Variants in ACCS observed in about 807,000 individuals in gnomAD.
ACCS encodes 1-aminocyclopropane-1-carboxylate synthase-like protein 1.
In ACCS, 42 loss-of-function variants were observed where a neutral mutation model predicts 59.8. That is an observed-to-expected ratio of 0.70 (90% CI 0.55 to 0.91). ACCS has a LOEUF of 0.91. Ranked by LOEUF, ACCS falls within the 40% of genes least tolerant of loss-of-function variation. The probability of loss-of-function intolerance (pLI) is 0.00; values close to 1 mark genes in which losing one functional copy is unlikely to be tolerated. For missense variants in ACCS, 602 were observed against 630.4 expected (o/e 0.95, Z 0.48); for synonymous variants, 230 against 240.3 (o/e 0.96, Z 0.40).
intron 4 of ACCS, 128 bp from the exon 5 acceptor site, chr11:44,074,484 C>T (rs1211805835): frequency 2.6e-6 from 2 of 760,760 alleles, no homozygotes; most frequent in African/African-American, 1.7e-5. Context: ...GACAGATACA[C>T]CCACACCCCA....
At chr11:44,070,247 T>G (rs1165136096) in intron 2 of ACCS, among the ~76,000 whole-genome samples, 1 of 152,158 alleles carries the variant, frequency 6.6e-6, no homozygotes, top group African/African-American at 2.4e-5. Flanking sequence ...CTTGGACTGC[T>G]GTATGGAGAT....
At chr11:44,076,370 C>T (rs958866970) in intron 6 of ACCS, among the ~76,000 whole-genome samples, 1 of 152,216 alleles carries the variant, frequency 6.6e-6, no homozygotes, top group East Asian at 1.9e-4. Context: ...TTCATTTAAT[C>T]CTCACAATAC....
intron 10 of ACCS, 57 bp downstream of exon 10, chr11:44,079,677 G>A: frequency 1.3e-6 from 2 of 1,515,302 alleles, no homozygotes; most frequent in Non-Finnish European, 1.8e-6. Flanking sequence ...CGGAGCCCTG[G>A]CCACTTTCTG....
In ACCS at chr11:44,083,500, T is replaced by A; in HGVS notation, c.1331T>A (p.Phe444Tyr). The A allele has an allele frequency of 6.2e-7, 1 of 1,614,238 alleles. No homozygotes were observed. The highest frequency in any genetic ancestry group is 8.5e-7 in the Non-Finnish European group (1 of 1,180,036). ...TTGGACAACAAGGTGCTGCTGTCCT[T>A]TGGCAAGGCCTTCGAGTGTAAAGAG... ...RFLDNKVLLS[F>Y]GKAFECKEPG... The change falls in exon 14 of 15, where the codon TTT (phenylalanine) becomes TAT (tyrosine). Residue 444 changes from phenylalanine to tyrosine, a missense_variant. Physicochemically the swap from Phe to Tyr is conservative, Grantham distance 22. Transcript: ENST00000263776.
rs75687007 is a variant in ACCS, at chr11:44,077,604, A to G, written c.654+228A>G. 2.0e-3 allele frequency: 2,822 copies of G among 1,435,630 alleles called. 29 individuals carry two copies. The African/African-American group carries it at 0.021, about 10-fold the overall frequency. The allele number at this position is 1,435,630 out of a possible 1,614,324, so 88.9% of individuals were successfully genotyped here. ...TAGAAGCCAAGAGCCAGACCCAGAA[A>G]CAGCAAGGTAGGAACAGAGCAGGGT... On this transcript the variant is annotated intron_variant, in intron 7 of 14. Coordinates refer to ENST00000263776, the MANE Select transcript of ACCS (RefSeq NM_032592.4).
intron 1 of ACCS, chr11:44,067,242 C>T (rs866596963): frequency 3.2e-5 from 6 of 184,792 alleles, no homozygotes; most frequent in Admixed American, 1.1e-4. Flanking sequence ...CCAGGACTCC[C>T]AGGCAATACT....
At chr11:44,075,823 C>G in intron 6 of ACCS, 1 of 508,282 alleles carries the variant, frequency 2.0e-6, no homozygotes, top group Non-Finnish European at 3.5e-6. Context: ...ACCTTGGCTG[C>G]TTCATGCTCA....
chr11:44,077,137 G>A, intron 6 of ACCS, 142 bp from the exon 7 acceptor site: 1 of 893,576 alleles, frequency 1.1e-6, no homozygotes, highest in Non-Finnish European at 1.7e-6. Flanking sequence ...TTTCCAAAGT[G>A]TTTTGGGAGT....
chr11:44,073,358 A>G (rs1953153150), intron 3 of ACCS, 89 bp from the exon 4 acceptor site: 13 of 1,054,858 alleles, frequency 1.2e-5, no homozygotes, highest in Non-Finnish European at 1.9e-5. Context: ...TCTGATGAGC[A>G]GAACAAGCGT....
chr11:44,083,559 G>T lies in ACCS; in HGVS notation c.1390G>T (p.Val464Phe), dbSNP rs370857102. 1 of 1,614,118 alleles carries T rather than the reference G, an allele frequency of 6.2e-7. No individual in the cohort carries two copies. The highest frequency in any genetic ancestry group is 1.3e-5 in the African/African-American group (1 of 74,940). Reference protein sequence around the residue: ...GWFRFVFSDQVHRLCLGMQRV... With the variant: ...GWFRFVFSDQFHRLCLGMQRV... ...GTTTCGCTTTGTCTTCTCAGACCAGGTCCACCGGCTTTGCCTGGGTGAGCA... is the reference window on the plus strand; with the variant it reads ...GTTTCGCTTTGTCTTCTCAGACCAGTTCCACCGGCTTTGCCTGGGTGAGCA... Residue 464 changes from valine (V) to phenylalanine (F), a missense_variant, in exon 14 of 15, where the codon GTC (valine) becomes TTC (phenylalanine). Val to Phe is a conservative substitution (Grantham distance 50). Coordinates refer to ENST00000263776, the MANE Select transcript of ACCS (RefSeq NM_032592.4).
At chr11:44,083,106 A>G in intron 12 of ACCS, 63 bp from the exon 13 acceptor site, 1 of 1,591,024 alleles carries the variant, frequency 6.3e-7, no homozygotes, top group Non-Finnish European at 8.6e-7. Flanking sequence ...CAGCATTTAG[A>G]CTAGTGGGAC....
chr11:44,074,113 G>A (rs1177710871), intron 4 of ACCS, among the ~76,000 whole-genome samples: 1 of 152,066 alleles, frequency 6.6e-6, no homozygotes, highest in Non-Finnish European at 1.5e-5. Flanking sequence ...CTTGAGTGTG[G>A]ACTTTGCCTC....
Position 44,077,322 on chromosome 11 carries a change from G to C in ACCS, c.600G>C (p.Gln200His). ...CCCCTTACTATGGCGCTATCACACA[G>C]CACGTGTGTCTCTATGGCAACATCC... ...IPTPYYGAIT[Q>H]HVCLYGNIRL... The change falls in exon 7 of 15, where the codon CAG becomes CAC. Residue 200 changes from glutamine (Q) to histidine (H), a missense_variant. Transcript: ENST00000263776. 1.2e-6 allele frequency: 2 copies of C among 1,614,128 alleles called. No homozygotes were observed. The highest frequency in any genetic ancestry group is 2.2e-5 in the South Asian group (2 of 91,070).
chr11:44,075,966 C>G, intron 6 of ACCS: 1 of 192,744 alleles, frequency 5.2e-6, no homozygotes, highest in Non-Finnish European at 1.1e-5. Context: ...AGGCCCACTT[C>G]TATCTTCCTG....
At chr11:44,074,740 C>CTT (rs1473127428) in intron 5 of ACCS, 59 bp downstream of exon 5, 35 of 127,264 alleles carry the variant, frequency 2.8e-4, no homozygotes, top group African/African-American at 2.1e-3. Context: ...CCATCTCTTT[C>CTT]TTTCTTTCTT....
chr11:44,067,320 G>A, intron 1 of ACCS: 1 of 276,778 alleles, frequency 3.6e-6, no homozygotes. Flanking sequence ...GAAAAAGAAT[G>A]TTGATGACCC....
rs2134893694 is a variant in ACCS, at chr11:44,081,009, G to C, written c.924-11G>C. The stretch of plus-strand genomic sequence containing the variant: ...TGTGTTGCCTCTGTTCCCATGCTGT[G>C]CTCTCTGCAGGCTCCCTGACCCCCA... On this transcript the variant is annotated splice_polypyrimidine_tract_variant and intron_variant, in intron 10 of 14. Transcript: ENST00000263776. 1 of 1,614,172 alleles carries C rather than the reference G, an allele frequency of 6.2e-7. No individual in the cohort carries two copies. Among genetic ancestry groups the C allele is most frequent in the South Asian group, 1.1e-5 (1 of 91,088 alleles).
At chr11:44,075,126 C>T (rs1399959258) in intron 5 of ACCS, among the ~76,000 whole-genome samples, 1 of 152,136 alleles carries the variant, frequency 6.6e-6, no homozygotes, top group Non-Finnish European at 1.5e-5. Flanking sequence ...GCCTGGCCTC[C>T]ATTCCCCATC....
At position 44,083,528 on chromosome 11, in the gene ACCS, T is replaced by C. The variant is rs1220385567; in HGVS notation, c.1359T>C (p.Pro453=). The C allele has an allele frequency of 6.2e-6, 10 of 1,614,136 alleles. No individual in the cohort carries two copies. In the African/African-American group the frequency reaches 8.0e-5, roughly 13 times the overall value. ...SFGKAFECKE[P]GWFRFVFSDQ... ...GCAAGGCCTTCGAGTGTAAAGAGCC[T>C]GGTTGGTTTCGCTTTGTCTTCTCAG... Residue 453 remains proline (P), a synonymous_variant, in exon 14 of 15, where the codon CCT becomes CCC. Coordinates refer to ENST00000263776, the MANE Select transcript of ACCS (RefSeq NM_032592.4).
Sources: gnomAD v4.1 joint callset for allele counts (sites outside exome capture counted in the v4.1 genomes callset) on GRCh38, gnomAD v4.1.1 for gene constraint, MANE v1.5 for transcripts, NCBI Gene and HGNC (gene_info 2026-07-23, HGNC 2026-07-21) for gene names.